CYTH3: variants seen among roughly 807,000 people sequenced by gnomAD.
CYTH3 encodes the protein cytohesin 3, also known as cytohesin-3.
Under a neutral mutation model 55.1 loss-of-function variants are expected in CYTH3, and 23 were observed. The observed-to-expected ratio is 0.42, with a 90% CI of 0.30 to 0.59. The LOEUF is 0.59. Among genes scored for constraint, CYTH3 ranks in the 20% least tolerant of loss-of-function variants. The pLI, the probability that CYTH3 is intolerant of heterozygous loss-of-function variation, is 0.20. For synonymous variants in CYTH3, 249 were observed against 194.9 expected, an observed-to-expected ratio of 1.28 and a Z score of -2.31; for missense variants, 413 against 524.8, an observed-to-expected ratio of 0.79 and a Z score of 2.08.
chr7:6,263,701 G>C (rs1027590234), intron 1 of CYTH3, among the ~76,000 whole-genome samples: 1 of 151,968 alleles, frequency 6.6e-6, no homozygotes, highest in Admixed American at 6.6e-5. Context: ...AAGTGGTTAA[G>C]GCAGAAGAAT....
Position 6,272,603 on chromosome 7 carries a change from G to C in CYTH3, c.-96C>G, listed in dbSNP as rs889247871. The C allele has an allele frequency of 9.2e-6, 9 of 978,838 alleles. No homozygotes were observed. Among genetic ancestry groups the C allele is most frequent in the Non-Finnish European group, 1.1e-5 (9 of 800,874 alleles). 60.6% of individuals were successfully genotyped at this position (978,838 alleles called of 1,614,324 possible). Reference sequence around the variant, plus strand: ...GGAGGGAGCGCGCAGGCGACCGGGCGGCTCCTCAGCGCGCGGCCCGGGTCG... The same window carrying C: ...GGAGGGAGCGCGCAGGCGACCGGGCCGCTCCTCAGCGCGCGGCCCGGGTCG... On this transcript the variant is annotated 5_prime_UTR_variant, in exon 1 of 13. Coordinates refer to ENST00000350796, the MANE Select transcript of CYTH3 (RefSeq NM_004227.4).
At position 6,183,663 on chromosome 7, in the gene CYTH3, G is replaced by C. The variant is rs1461687862; in HGVS notation, c.249+3387C>G. ...TACAGGTTTAATAGGGGCATGGGGA[G>C]GTAGATATAATTTTGAGTTGTGTCT... On this transcript the variant is annotated intron_variant, in intron 4 of 12. Coordinates refer to ENST00000350796, the MANE Select transcript of CYTH3 (RefSeq NM_004227.4). 2.6e-5 allele frequency among the ~76,000 whole-genome samples: 4 copies of C among 152,134 alleles called. No homozygotes were observed. In the South Asian group the frequency reaches 8.3e-4, roughly 32 times the overall value.
intron 4 of CYTH3, among the ~76,000 whole-genome samples, chr7:6,183,618 GTCTTC>G (rs1220569385): frequency 6.6e-6 from 1 of 152,200 alleles, no homozygotes; most frequent in Non-Finnish European, 1.5e-5. Flanking sequence ...CTCTGACAAT[GTCTTC>G]ATGCTTCATA....
chr7:6,218,678 TGCCTTA>T (rs1784479219), intron 1 of CYTH3, among the ~76,000 whole-genome samples: 1 of 152,140 alleles, frequency 6.6e-6, no homozygotes, highest in African/African-American at 2.4e-5. Flanking sequence ...AAGCCTAGAT[TGCCTTA>T]AACAGATCAC....
At chr7:6,211,660 C>A (rs753075607) in intron 1 of CYTH3, among the ~76,000 whole-genome samples, 1 of 152,014 alleles carries the variant, frequency 6.6e-6, no homozygotes, top group African/African-American at 2.4e-5. Flanking sequence ...TTTAAATGTA[C>A]AATTAAATTA....
In CYTH3 at chr7:6,183,340, C is replaced by T. The variant is rs554032526; in HGVS notation, c.249+3710G>A. 1.1e-4 allele frequency among the ~76,000 whole-genome samples: 17 copies of T among 152,304 alleles called. No homozygotes were observed. The South Asian group carries it at 3.5e-3, about 32-fold the overall frequency. On this transcript the variant is annotated intron_variant, in intron 4 of 12. Coordinates refer to ENST00000350796, the MANE Select transcript of CYTH3 (RefSeq NM_004227.4). ...TCCCATTTATCTTCTTCCAGGGATT[C>T]CTCAATTTCTAGTCCACTGAGTGGA...
chr7:6,270,909 C>G (rs1249221752), intron 1 of CYTH3, among the ~76,000 whole-genome samples: 1 of 152,184 alleles, frequency 6.6e-6, no homozygotes, highest in African/African-American at 2.4e-5. Context: ...GTCTACATTT[C>G]TTTACTCACA....
At position 6,171,284 on chromosome 7, in the gene CYTH3, C is replaced by G. The variant is rs1783185522; in HGVS notation, c.480G>C (p.Gly160=). The part of the protein sequence containing the change: ...RQFLWSFRLP[G]EAQKIDRMME... ...TCATGCGATCAATCTTCTGCGCCTC[C>G]CCGGGCAGCCTGAAGCTCCATAAGA... Residue 160 remains glycine (G), a synonymous_variant, in exon 7 of 13, where the codon GGG becomes GGC. Transcript: ENST00000350796. The surrounding 1 kb of genome is among the most constrained non-coding windows in gnomAD (Gnocchi z 6.7). The G allele has an allele frequency of 6.2e-7, 1 of 1,614,058 alleles. No homozygotes were observed. The highest frequency in any genetic ancestry group is 2.2e-5 in the East Asian group (1 of 44,890).
chr7:6,194,046 A>G (rs1367735845), intron 1 of CYTH3, among the ~76,000 whole-genome samples: 11 of 152,312 alleles, frequency 7.2e-5, no homozygotes, highest in African/African-American at 2.6e-4. Context: ...ATCACCCTAC[A>G]GAGAAACAGT....
At chr7:6,263,055 T>G (rs1028082997) in intron 1 of CYTH3, among the ~76,000 whole-genome samples, 1 of 152,218 alleles carries the variant, frequency 6.6e-6, no homozygotes, top group Non-Finnish European at 1.5e-5. Context: ...ATTTGATTCC[T>G]ACAGTTTCTA....
rs529194514 is a variant in CYTH3, at chr7:6,235,454, C to T, written c.34+37020G>A. On this transcript the variant is annotated intron_variant, in intron 1 of 12. Transcript: ENST00000350796. Reference sequence around the variant, plus strand: ...CACCACTGCACTCCAACCTGGGAGACAGAGGGAGACTCTATCTCAAAAAAA... The same window carrying T: ...CACCACTGCACTCCAACCTGGGAGATAGAGGGAGACTCTATCTCAAAAAAA... 2.9e-5 allele frequency among the ~76,000 whole-genome samples: 4 copies of T among 138,488 alleles called. No homozygotes were observed. In the South Asian group the frequency reaches 9.1e-4, roughly 32 times the overall value. The allele number at this position is 138,488 out of a possible 152,430, so 90.9% of individuals were successfully genotyped here.
At chr7:6,260,572 C>A (rs927851794) in intron 1 of CYTH3, among the ~76,000 whole-genome samples, 9 of 152,126 alleles carry the variant, frequency 5.9e-5, no homozygotes, top group Non-Finnish European at 8.8e-5. Flanking sequence ...TAGCTCCCTG[C>A]CTCTCCCCAA....
chr7:6,213,757 C>T (rs978007831), intron 1 of CYTH3, among the ~76,000 whole-genome samples: 1 of 151,712 alleles, frequency 6.6e-6, no homozygotes, highest in African/African-American at 2.4e-5. Flanking sequence ...TTCAAGATTA[C>T]ACCCAAGCAG....
intron 1 of CYTH3, among the ~76,000 whole-genome samples, chr7:6,237,067 G>A (rs1190540469): frequency 6.6e-6 from 1 of 152,196 alleles, no homozygotes; most frequent in Non-Finnish European, 1.5e-5. Context: ...AGTACTTGCT[G>A]GAGAAGCAGC....
chr7:6,198,619 G>T (rs943898480), intron 1 of CYTH3, among the ~76,000 whole-genome samples: 1 of 152,110 alleles, frequency 6.6e-6, no homozygotes, highest in Non-Finnish European at 1.5e-5. Flanking sequence ...ACTCTGTTAG[G>T]TAAGAAGAAA....
rs572611190 is a variant in CYTH3 at position 6,201,113 on chromosome 7, C to T, written c.35-10582G>A. 9.8e-5 allele frequency among the ~76,000 whole-genome samples: 15 copies of T among 152,292 alleles called. No individual in the cohort carries two copies. In the South Asian group the frequency reaches 2.7e-3, roughly 27 times the overall value. On this transcript the variant is annotated intron_variant, in intron 1 of 12. Coordinates refer to ENST00000350796, the MANE Select transcript of CYTH3 (RefSeq NM_004227.4). ...AGACTACTGAAGCAGTATGATGACA[C>T]GCAGAACAAAAGGGCAGGCTCTGAG... is the stretch of plus-strand genomic sequence containing the variant.
intron 1 of CYTH3, among the ~76,000 whole-genome samples, chr7:6,237,159 G>C (rs1218240074): frequency 7.9e-6 from 1 of 126,932 alleles, no homozygotes; most frequent in Non-Finnish European, 1.8e-5. Context: ...AGCTCTCCCA[G>C]AGCGAGTTCT....
chr7:6,162,685 C>T lies in CYTH3; in HGVS notation c.*2259G>A, dbSNP rs1363910711. On this transcript the variant is annotated 3_prime_UTR_variant, in exon 13 of 13. Transcript: ENST00000350796. ...CTGGAGTCTAACTCAGCACCACAGC[C>T]TCTGCATGGCTCCCAGGTGCCCACC... 1 of 152,310 alleles carries T rather than the reference C, an allele frequency of 6.6e-6. No homozygotes were observed. Among genetic ancestry groups the T allele is most frequent in the African/African-American group, 2.4e-5 (1 of 41,470 alleles). The allele number at this position is 152,310 out of a possible 1,614,324, so 9.4% of individuals were successfully genotyped here. A position where few individuals can be genotyped will look rare whatever the true frequency, so the allele number is the denominator to read the frequency against.
At chr7:6,264,784 C>G (rs1046601116) in intron 1 of CYTH3, among the ~76,000 whole-genome samples, 2 of 152,160 alleles carry the variant, frequency 1.3e-5, no homozygotes, top group Non-Finnish European at 2.9e-5. Context: ...TACTATGTAC[C>G]AAGCACTGTT....
Sources: gnomAD v4.1 joint callset for allele counts (sites outside exome capture counted in the v4.1 genomes callset) on GRCh38, gnomAD v4.1.1 for gene constraint, Gnocchi (gnomAD v3.1) non-coding constraint, MANE v1.5 for transcripts, NCBI Gene and HGNC (gene_info 2026-07-23, HGNC 2026-07-21) for gene names.